The following CCNYL1 variants were observed in gnomAD, a reference collection of about 807,000 sequenced individuals.
CCNYL1 encodes cyclin-Y-like protein 1.
A neutral mutation model predicts 44.2 loss-of-function variants in CCNYL1; 16 were observed. That is an observed-to-expected ratio of 0.36 (90% CI 0.25 to 0.55). The LOEUF is 0.55. Among genes scored for constraint, CCNYL1 ranks in the 20% least tolerant of loss-of-function variants. CCNYL1 has a pLI of 0.85. For synonymous variants in CCNYL1, 159 were observed against 163.2 expected, an observed-to-expected ratio of 0.97 and a Z score of 0.20; for missense variants, 348 against 451.8, an observed-to-expected ratio of 0.77 and a Z score of 2.08.
chr2:207,721,428 A>T (rs536012831), intron 1 of CCNYL1, among the ~76,000 whole-genome samples: 1 of 152,314 alleles, frequency 6.6e-6, no homozygotes, highest in Non-Finnish European at 1.5e-5. Context: ...TCTAAGTTCC[A>T]TATTTTTACA....
chr2:207,741,375 T>C (rs980953392), intron 6 of CCNYL1, among the ~76,000 whole-genome samples: 1 of 152,190 alleles, frequency 6.6e-6, no homozygotes, highest in Admixed American at 6.5e-5. Flanking sequence ...GAAAGGAACA[T>C]AAAAATTTTC....
intron 1 of CCNYL1, among the ~76,000 whole-genome samples, chr2:207,717,845 A>G (rs2091608604): frequency 1.3e-5 from 2 of 151,946 alleles, no homozygotes; most frequent in Non-Finnish European, 1.5e-5. Context: ...GGCAAAGAAT[A>G]TAGACTTTAG....
intron 1 of CCNYL1, among the ~76,000 whole-genome samples, chr2:207,723,240 G>A (rs1318686081): frequency 6.6e-6 from 1 of 152,086 alleles, no homozygotes; most frequent in Non-Finnish European, 1.5e-5. Context: ...CTATTAAAAT[G>A]GATGATTCAT....
chr2:207,749,281 C>G (rs2091875864), intron 8 of CCNYL1, among the ~76,000 whole-genome samples: 1 of 152,168 alleles, frequency 6.6e-6, no homozygotes, highest in Non-Finnish European at 1.5e-5. Context: ...TTTGTCTCAT[C>G]CCCCTGCTGT....
intron 9 of CCNYL1, among the ~76,000 whole-genome samples, chr2:207,752,572 T>C (rs2091901693): frequency 6.6e-6 from 1 of 151,868 alleles, no homozygotes; most frequent in South Asian, 2.1e-4. Context: ...GTACATGGGT[T>C]TTTAATAGAA....
chr2:207,737,683 G>A (rs560338713), intron 5 of CCNYL1, among the ~76,000 whole-genome samples: 8 of 142,566 alleles, frequency 5.6e-5, no homozygotes, highest in Non-Finnish European at 1.0e-4. Context: ...AGAAATTGAA[G>A]TTGAGAATTT....
intron 7 of CCNYL1, 64 bp downstream of exon 7, chr2:207,742,406 A>T: frequency 7.1e-7 from 1 of 1,413,128 alleles, no homozygotes; most frequent in Non-Finnish European, 9.5e-7. Flanking sequence ...GTATGGTCCT[A>T]TTTTTCAAAT....
intron 4 of CCNYL1, among the ~76,000 whole-genome samples, chr2:207,736,954 C>T (rs1252071784): frequency 4.0e-5 from 6 of 149,420 alleles, no homozygotes; most frequent in Admixed American, 1.3e-4. Context: ...CTCGCTCTGT[C>T]GCCCAGGCTG....
intron 1 of CCNYL1, among the ~76,000 whole-genome samples, chr2:207,715,379 C>CTTTTTTTTTTTT (rs770646092): frequency 9.9e-6 from 1 of 100,754 alleles, no homozygotes; most frequent in Non-Finnish European, 1.8e-5. Flanking sequence ...CAAGCTATTT[C>CTTTTTTTTTTTT]TTTTTTTTTT....
intron 2 of CCNYL1, among the ~76,000 whole-genome samples, chr2:207,725,949 C>T (rs1462757442): frequency 1.3e-5 from 2 of 152,188 alleles, no homozygotes; most frequent in African/African-American, 4.8e-5. Flanking sequence ...GAGCACAACA[C>T]AAAGCAGGGG....
At chr2:207,726,973 G>C in intron 3 of CCNYL1, 97 bp downstream of exon 3, 1 of 721,042 alleles carries the variant, frequency 1.4e-6, no homozygotes, top group Admixed American at 3.0e-5. Context: ...AATACTGTTA[G>C]TATGAGCCTC....
chr2:207,746,595 G>T (rs2091856638), intron 7 of CCNYL1, among the ~76,000 whole-genome samples: 1 of 152,216 alleles, frequency 6.6e-6, no homozygotes, highest in African/African-American at 2.4e-5. Context: ...TGCTTTGGCT[G>T]AGTAAGCAAA....
chr2:207,740,406 C>T (rs189260750), intron 5 of CCNYL1, among the ~76,000 whole-genome samples: 10 of 152,256 alleles, frequency 6.6e-5, no homozygotes, highest in Non-Finnish European at 1.3e-4. Flanking sequence ...AGGGCCAATA[C>T]TTAAAGGCAA....
chr2:207,748,060 C>T (rs2105840645), intron 8 of CCNYL1, among the ~76,000 whole-genome samples: 1 of 152,340 alleles, frequency 6.6e-6, no homozygotes, highest in South Asian at 2.1e-4. Flanking sequence ...TACGTAGCTT[C>T]AACCTGAGTC....
chr2:207,711,811 G>T lies in CCNYL1; in HGVS notation c.-86G>T, dbSNP rs2091550189. The T allele has an allele frequency of 2.2e-6, 2 of 928,850 alleles. No homozygotes were observed. The highest frequency in any genetic ancestry group is 6.7e-5 in the East Asian group (2 of 30,050). The allele number at this position is 928,850 out of a possible 1,614,324, so 57.5% of individuals were successfully genotyped here. ...GCCCGGGGCTGCCGGTGCCGGCCGC[G>T]CCATTGTTGGGGGAGGGGGCGGCTG... On this transcript the variant is annotated 5_prime_UTR_variant, in exon 1 of 10. Coordinates refer to ENST00000295414, the MANE Select transcript of CCNYL1 (RefSeq NM_001330218.2).
At chr2:207,742,440 A>T (rs1464932641) in intron 7 of CCNYL1, 98 bp downstream of exon 7, 5 of 1,132,858 alleles carry the variant, frequency 4.4e-6, no homozygotes, top group East Asian at 2.5e-5. Context: ...TGAAATTATC[A>T]TCAGAACTTT....
At chr2:207,746,445 T>C (rs970160014) in intron 7 of CCNYL1, among the ~76,000 whole-genome samples, 6 of 152,204 alleles carry the variant, frequency 3.9e-5, no homozygotes, top group Admixed American at 6.5e-5. Context: ...AACTCTATTA[T>C]GGGTGTGGAG....
chr2:207,754,958 A>T lies in CCNYL1; in HGVS notation c.*1260A>T, dbSNP rs1232085743. On this transcript the variant is annotated 3_prime_UTR_variant, in exon 10 of 10. Coordinates refer to ENST00000295414, the MANE Select transcript of CCNYL1 (RefSeq NM_001330218.2). The stretch of plus-strand genomic sequence containing the variant: ...CAGCTACTTGGGAGGCTGAGGCTGG[A>T]GGATTGCTTGAGGTCAAGTATTGGA... 6.6e-6 allele frequency: 1 copy of T among 152,164 alleles called. No homozygotes were observed. Among genetic ancestry groups the T allele is most frequent in the Non-Finnish European group, 1.5e-5 (1 of 68,032 alleles). The allele number at this position is 152,164 out of a possible 1,614,324, so 9.4% of individuals were successfully genotyped here.
At chr2:207,720,300 T>C (rs1470451787) in intron 1 of CCNYL1, among the ~76,000 whole-genome samples, 1 of 151,964 alleles carries the variant, frequency 6.6e-6, no homozygotes, top group Non-Finnish European at 1.5e-5. Flanking sequence ...GGATACTGCC[T>C]TTTTTCCACC....
Sources: gnomAD v4.1 joint callset for allele counts (sites outside exome capture counted in the v4.1 genomes callset) on GRCh38, gnomAD v4.1.1 for gene constraint, MANE v1.5 for transcripts, NCBI Gene and HGNC (gene_info 2026-07-23, HGNC 2026-07-21) for gene names.